The following HMCN2 variants were observed in gnomAD, a reference collection of about 807,000 sequenced individuals.
HMCN2 encodes hemicentin 2, also known as hemicentin-2.
In HMCN2, 325 loss-of-function variants were observed where a neutral mutation model predicts 377.5. The ratio of observed to expected loss-of-function variants is 0.86; its 90% CI spans 0.79 to 0.94. The LOEUF (loss-of-function observed/expected upper bound fraction) is 0.94, where lower values mean the gene tolerates loss of function less well. Among genes scored for constraint, HMCN2 ranks in the 40% least tolerant of loss-of-function variants. The pLI, the probability that HMCN2 is intolerant of heterozygous loss-of-function variation, is 0.00. For missense variants in HMCN2, 4,543 were observed against 4,725.3 expected (o/e 0.96, Z 1.13); for synonymous variants, 2,007 against 2,046.8 (o/e 0.98, Z 0.53).
At chr9:130,280,451 C>T (rs1244049431) in intron 1 of HMCN2, among the ~76,000 whole-genome samples, 4 of 151,754 alleles carry the variant, frequency 2.6e-5, no homozygotes, top group African/African-American at 9.7e-5. Context: ...GGATTACAGG[C>T]GTGAGCCACC....
intron 4 of HMCN2, among the ~76,000 whole-genome samples, chr9:130,290,697 G>A (rs1835702526): frequency 1.3e-5 from 2 of 152,146 alleles, no homozygotes; most frequent in South Asian, 4.1e-4. Flanking sequence ...GCTAAGACAG[G>A]TGGGACCTTT....
At chr9:130,418,359 A>C (rs1843805143) in intron 85 of HMCN2, among the ~76,000 whole-genome samples, 1 of 152,134 alleles carries the variant, frequency 6.6e-6, no homozygotes, top group Non-Finnish European at 1.5e-5. Flanking sequence ...TCAGGAGTTC[A>C]AGACCAACCT....
intron 1 of HMCN2, among the ~76,000 whole-genome samples, chr9:130,272,509 G>A (rs1834457832): frequency 8.0e-6 from 1 of 124,276 alleles, no homozygotes. Flanking sequence ...CCAAAGTCCT[G>A]GGATTACAGG....
At chr9:130,332,713 C>T (rs1486960864) in intron 22 of HMCN2, among the ~76,000 whole-genome samples, 2 of 152,358 alleles carry the variant, frequency 1.3e-5, no homozygotes, top group African/African-American at 4.8e-5. Flanking sequence ...GTCTGCGATC[C>T]TGGTCAGGCT....
chr9:130,382,394 T>C (rs1042811926), intron 55 of HMCN2, 97 bp downstream of exon 55: 24 of 433,632 alleles, frequency 5.5e-5, no homozygotes, highest in Non-Finnish European at 7.1e-5. Context: ...ACAGTCTTGC[T>C]GTACTCAGAG....
chr9:130,418,390 A>G (rs1818981627), intron 85 of HMCN2, among the ~76,000 whole-genome samples: 2 of 152,018 alleles, frequency 1.3e-5, no homozygotes, highest in South Asian at 4.1e-4. Flanking sequence ...ACGAAACCCC[A>G]TCTCTACTAA....
At position 130,385,578 on chromosome 9, in the gene HMCN2, A is replaced by G. The variant is rs1841978019; in HGVS notation, c.9125A>G (p.Gln3042Arg). Residue 3042 changes from glutamine (Q) to arginine (R), a missense_variant, in exon 60 of 98, where the codon CAG becomes CGG. This residue lies in a region of HMCN2 where 736 missense variants were observed against 773.2 expected (regional missense o/e 0.95). Transcript: ENST00000683500. Reference protein sequence around the residue: ...LSVLVPPAFRQAPRGPQDAVL... With the variant: ...LSVLVPPAFRRAPRGPQDAVL... ...CCCCCAGTTCCCCCGGCCTTCAGGCAGGCTCCCAGAGGTCCCCAGGATGCG... is the reference window on the plus strand; with the variant it reads ...CCCCCAGTTCCCCCGGCCTTCAGGCGGGCTCCCAGAGGTCCCCAGGATGCG... The G allele has an allele frequency of 7.7e-7, 1 of 1,304,016 alleles. No individual in the cohort carries two copies. The highest frequency in any genetic ancestry group is 1.5e-5 in the African/African-American group (1 of 65,954). The allele number at this position is 1,304,016 out of a possible 1,614,324, so 80.8% of individuals were successfully genotyped here. A position where few individuals can be genotyped will look rare whatever the true frequency, so the allele number is the denominator to read the frequency against.
rs573907963 is a variant in HMCN2 at position 130,431,771 on chromosome 9, A to G, written c.14767+285A>G. On this transcript the variant is annotated intron_variant, in intron 96 of 97. Coordinates refer to ENST00000683500, the MANE Select transcript of HMCN2 (RefSeq NM_001291815.2). The stretch of plus-strand genomic sequence containing the variant: ...ACTGCTGTGTGTCCCTGGGAAACTC[A>G]CTTCACCTCTCTAAGCCTCCGGCCT... 2.6e-5 allele frequency among the ~76,000 whole-genome samples: 4 copies of G among 152,288 alleles called. No individual in the cohort carries two copies. The East Asian group carries it at 7.7e-4, about 29-fold the overall frequency.
chr9:130,374,625 G>A lies in HMCN2; in HGVS notation c.7562G>A (p.Gly2521Asp), dbSNP rs1841275896. The A allele has an allele frequency of 1.0e-6, 1 of 985,672 alleles. No homozygotes were observed. The highest frequency in any genetic ancestry group is 1.2e-6 in the Non-Finnish European group (1 of 829,950). 61.1% of individuals were successfully genotyped at this position (985,672 alleles called of 1,614,324 possible). A position where few individuals can be genotyped will look rare whatever the true frequency, so the allele number is the denominator to read the frequency against. Reference protein sequence around the residue: ...QVLQANLSSAGHYSCIAANAV... With the variant: ...QVLQANLSSADHYSCIAANAV... ...CTCCAGGCAAACCTGTCCAGTGCTG[G>A]CCACTACTCCTGCATTGCAGCCAAC... Residue 2521 changes from glycine (G) to aspartate (D), a missense_variant, in exon 49 of 98, where the codon GGC becomes GAC. Around this residue, in one of 5 missense-constraint regions of HMCN2, gnomAD observed 736 missense variants for 773.2 expected, o/e 0.95. Coordinates refer to ENST00000683500, the MANE Select transcript of HMCN2 (RefSeq NM_001291815.2).
intron 1 of HMCN2, among the ~76,000 whole-genome samples, chr9:130,283,797 T>A (rs536037915): frequency 6.6e-6 from 1 of 152,196 alleles, no homozygotes; most frequent in Non-Finnish European, 1.5e-5. Flanking sequence ...ATTTACCAGT[T>A]TGTTTATCTC....
intron 83 of HMCN2, among the ~76,000 whole-genome samples, chr9:130,408,285 G>A (rs1843211562): frequency 6.6e-6 from 1 of 152,238 alleles, no homozygotes; most frequent in South Asian, 2.1e-4. Context: ...GCATCGAAGA[G>A]TGTTTTGAGA....
Position 130,355,007 on chromosome 9 carries a change from C to A in HMCN2, c.5109C>A (p.Ala1703=). 7.7e-7 allele frequency: 1 copy of A among 1,293,036 alleles called. No homozygotes were observed. The highest frequency in any genetic ancestry group is 1.0e-6 in the Non-Finnish European group (1 of 988,272). The allele number at this position is 1,293,036 out of a possible 1,614,324, so 80.1% of individuals were successfully genotyped here. A position where few individuals can be genotyped will look rare whatever the true frequency, so the allele number is the denominator to read the frequency against. The change falls in exon 32 of 98, where the codon GCC becomes GCA. Residue 1703 remains alanine (A), a synonymous_variant. Coordinates refer to ENST00000683500, the MANE Select transcript of HMCN2 (RefSeq NM_001291815.2). ...ACAGCTGTGTGGCCAGCAGTCCTGCCGGGGAAGCCGTCCTGCAGTACTCCG... is the reference window on the plus strand; with the variant it reads ...ACAGCTGTGTGGCCAGCAGTCCTGCAGGGGAAGCCGTCCTGCAGTACTCCG... ...GLYSCVASSP[A]GEAVLQYSVE...
chr9:130,428,436 G>C lies in HMCN2; in HGVS notation c.14144G>C (p.Cys4715Ser). The C allele has an allele frequency of 3.2e-6, 5 of 1,546,150 alleles. No homozygotes were observed. Among genetic ancestry groups the C allele is most frequent in the Middle Eastern group, 1.7e-4 (1 of 5,986 alleles). ...RCVNLLGSYR[C>S]LPDCGPGFRV... ...GTGAACCTGCTCGGGTCCTACCGCT[G>C]CCTCCCCGACTGTGGGCCTGGCTTC... The change falls in exon 93 of 98, where the codon TGC becomes TCC. Residue 4715 changes from cysteine (C) to serine (S), a missense_variant. Cys to Ser is a moderately radical substitution (Grantham distance 112). Around this residue, in one of 5 missense-constraint regions of HMCN2, gnomAD observed 1,155 missense variants for 1,157.7 expected, o/e 1.00. Coordinates refer to ENST00000683500, the MANE Select transcript of HMCN2 (RefSeq NM_001291815.2). The surrounding 1 kb of genome is among the most constrained non-coding windows in gnomAD (Gnocchi z 5.0).
chr9:130,299,328 A>G (rs1554933444), intron 8 of HMCN2, 40 bp downstream of exon 8: 2 of 404,314 alleles, frequency 4.9e-6, no homozygotes, highest in South Asian at 3.7e-5. Flanking sequence ...CCCCTGGCTC[A>G]TTCAGAGTCC....
chr9:130,362,135 T>G lies in HMCN2; in HGVS notation c.6078T>G (p.Pro2026=). The change falls in exon 39 of 98, where the codon CCT becomes CCG. Residue 2026 remains proline, a synonymous_variant. Transcript: ENST00000683500. ...PTLMWLKDGN[P]VSPAGTPGLQ... ...TGATGTGGCTGAAGGATGGAAACCC[T>G]GTGTCCCCTGCAGGGACCCCTGGCC... 1 of 985,964 alleles carries G rather than the reference T, an allele frequency of 1.0e-6. No individual in the cohort carries two copies. The highest frequency in any genetic ancestry group is 4.7e-5 in the South Asian group (1 of 21,292). The allele number at this position is 985,964 out of a possible 1,614,324, so 61.1% of individuals were successfully genotyped here.
At chr9:130,290,985 G>T (rs1288955172) in intron 4 of HMCN2, among the ~76,000 whole-genome samples, 1 of 151,978 alleles carries the variant, frequency 6.6e-6, no homozygotes, top group Non-Finnish European at 1.5e-5. Flanking sequence ...GAGCAAGAAT[G>T]ACCAATAAGT....
At chr9:130,374,775 C>T (rs1841283959) in intron 49 of HMCN2, 82 bp downstream of exon 49, 6 of 650,970 alleles carry the variant, frequency 9.2e-6, no homozygotes, top group Admixed American at 1.3e-4. Context: ...AGACAACTTC[C>T]CACAAACCAT....
chr9:130,296,906 G>A (rs1588193912), intron 7 of HMCN2, 112 bp downstream of exon 7: 1 of 405,388 alleles, frequency 2.5e-6, no homozygotes, highest in East Asian at 7.3e-5. Context: ...GTGTGACTGT[G>A]AAAGGGACCC....
chr9:130,349,240 G>T (rs1212776875), intron 28 of HMCN2, 109 bp downstream of exon 28: 6 of 1,123,096 alleles, frequency 5.3e-6, no homozygotes, highest in Non-Finnish European at 7.0e-6. Context: ...AGAGCAGGGG[G>T]CACAGAGGGA....
Sources: gnomAD v4.1 joint callset for allele counts (sites outside exome capture counted in the v4.1 genomes callset) on GRCh38, gnomAD v4.1.1 for gene constraint, gnomAD v4.1.1 regional missense constraint, Gnocchi (gnomAD v3.1) non-coding constraint, MANE v1.5 for transcripts, NCBI Gene and HGNC (gene_info 2026-07-23, HGNC 2026-07-21) for gene names.